SLC35F3: variants seen among roughly 807,000 people sequenced by gnomAD.
SLC35F3 encodes the protein solute carrier family 35 member F3, also known as putative thiamine transporter SLC35F3.
A neutral mutation model predicts 49.9 loss-of-function variants in SLC35F3; 25 were observed. That is an observed-to-expected ratio of 0.50 (90% CI 0.37 to 0.70). SLC35F3 has a LOEUF of 0.70. SLC35F3 is among the 30% of genes least tolerant of loss of function. SLC35F3 has a pLI of 0.00. For missense variants in SLC35F3, 525 were observed against 639.8 expected, an observed-to-expected ratio of 0.82 and a Z score of 1.94; for synonymous variants, 275 against 265.4, an observed-to-expected ratio of 1.04 and a Z score of -0.35.
At chr1:234,155,164 G>T (rs1033141400) in intron 2 of SLC35F3, among the ~76,000 whole-genome samples, 1 of 151,916 alleles carries the variant, frequency 6.6e-6, no homozygotes, top group Non-Finnish European at 1.5e-5. Context: ...ATCCGTAGTT[G>T]GTTGAATCTG....
intron 7 of SLC35F3, 129 bp from the exon 8 acceptor site, chr1:234,322,879 A>G (rs1388381971): frequency 4.1e-6 from 3 of 740,398 alleles, no homozygotes; most frequent in South Asian, 1.8e-5. Context: ...CATACTGAGG[A>G]GAATCCTGTG....
chr1:234,172,362 G>A (rs1666411646), intron 2 of SLC35F3, among the ~76,000 whole-genome samples: 1 of 152,158 alleles, frequency 6.6e-6, no homozygotes, highest in Non-Finnish European at 1.5e-5. Flanking sequence ...AAGTAGCTGG[G>A]ACTACAGGTG....
chr1:234,127,421 C>T (rs959609629), intron 2 of SLC35F3, among the ~76,000 whole-genome samples: 2 of 152,174 alleles, frequency 1.3e-5, no homozygotes, highest in African/African-American at 4.8e-5. Context: ...TTGGGGGCAT[C>T]AAGTTCAATG....
At position 234,214,813 on chromosome 1, in the gene SLC35F3, A is replaced by C; in HGVS notation, c.284-16604A>C. On this transcript the variant is annotated intron_variant, in intron 2 of 7. Coordinates refer to ENST00000366618, the MANE Select transcript of SLC35F3 (RefSeq NM_173508.4). The surrounding 1 kb of genome is among the most constrained non-coding windows in gnomAD (Gnocchi z 8.0). ...GCGGCGAGTGAGCACCCGGCTCCCC[A>C]ACCCTCTCCTTCCTGGGCAGCACCC... 2.1e-6 allele frequency: 1 copy of C among 475,300 alleles called. No homozygotes were observed. Among genetic ancestry groups the C allele is most frequent in the Non-Finnish European group, 3.6e-6 (1 of 276,874 alleles). 29.4% of individuals were successfully genotyped at this position (475,300 alleles called of 1,614,324 possible).
chr1:234,178,726 C>T (rs1002566258), intron 2 of SLC35F3, among the ~76,000 whole-genome samples: 3 of 151,400 alleles, frequency 2.0e-5, no homozygotes, highest in African/African-American at 7.3e-5. Flanking sequence ...CTGTCAGCAT[C>T]CCCCATTGGT....
intron 2 of SLC35F3, among the ~76,000 whole-genome samples, chr1:234,001,978 G>A (rs192722332): frequency 6.6e-6 from 1 of 152,308 alleles, no homozygotes; most frequent in Non-Finnish European, 1.5e-5. Flanking sequence ...AAGTGTGTTT[G>A]CTCCAATAGC....
At chr1:233,999,842 A>G (rs1016310786) in intron 2 of SLC35F3, among the ~76,000 whole-genome samples, 5 of 152,194 alleles carry the variant, frequency 3.3e-5, no homozygotes, top group African/African-American at 9.7e-5. Context: ...ACCTCTCTGC[A>G]TCCCTCACTG....
At chr1:234,054,427 G>A (rs532643448) in intron 2 of SLC35F3, among the ~76,000 whole-genome samples, 16 of 152,076 alleles carry the variant, frequency 1.1e-4, no homozygotes, top group African/African-American at 3.4e-4. Flanking sequence ...CCACTTGATC[G>A]AATCGGCTAC....
intron 2 of SLC35F3, among the ~76,000 whole-genome samples, chr1:233,967,636 A>C (rs893669953): frequency 1.3e-5 from 2 of 152,242 alleles, no homozygotes; most frequent in African/African-American, 4.8e-5. Flanking sequence ...GTAAGAAGAA[A>C]TATTCCTCTA....
At chr1:234,268,530 C>T (rs1668045108) in intron 3 of SLC35F3, 1 of 152,162 alleles carries the variant, frequency 6.6e-6, no homozygotes. Flanking sequence ...CTAACAATTC[C>T]ATGCTAGGCT....
intron 2 of SLC35F3, among the ~76,000 whole-genome samples, chr1:234,168,938 A>G (rs1044366954): frequency 2.0e-5 from 3 of 152,268 alleles, no homozygotes; most frequent in Middle Eastern, 3.4e-3. Flanking sequence ...TTACATGGTT[A>G]TGGAGGCCGA....
Position 233,904,923 on chromosome 1 carries a change from G to A in SLC35F3, c.-155G>A, listed in dbSNP as rs1571972515. 1 of 722,956 alleles carries A rather than the reference G, an allele frequency of 1.4e-6. No individual in the cohort carries two copies. The highest frequency in any genetic ancestry group is 2.1e-6 in the Non-Finnish European group (1 of 476,290). 44.8% of individuals were successfully genotyped at this position (722,956 alleles called of 1,614,324 possible). A position where few individuals can be genotyped will look rare whatever the true frequency, so the allele number is the denominator to read the frequency against. ...GGAGGCGCTCGGGTACAGACCGCGC[G>A]GGCGCGCACAAAGCGGCCCGGGGCG... On this transcript the variant is annotated 5_prime_UTR_variant, in exon 1 of 8. Transcript: ENST00000366618.
At chr1:234,159,153 G>A (rs1666192871) in intron 2 of SLC35F3, among the ~76,000 whole-genome samples, 1 of 152,116 alleles carries the variant, frequency 6.6e-6, no homozygotes, top group African/African-American at 2.4e-5. Context: ...TGGAAGATGT[G>A]CAACATGTTT....
chr1:234,154,781 T>G (rs1002147673), intron 2 of SLC35F3, among the ~76,000 whole-genome samples: 3 of 152,238 alleles, frequency 2.0e-5, no homozygotes. Context: ...CTAAAGGTTT[T>G]ACTCCAGCCT....
At chr1:234,208,779 GTCACTC>G (rs1419097375) in intron 2 of SLC35F3, among the ~76,000 whole-genome samples, 1 of 152,104 alleles carries the variant, frequency 6.6e-6, no homozygotes, top group Non-Finnish European at 1.5e-5. Context: ...ACAAAACCCA[GTCACTC>G]TTCATAAGTC....
At chr1:234,021,846 A>G (rs894989034) in intron 2 of SLC35F3, among the ~76,000 whole-genome samples, 4 of 152,164 alleles carry the variant, frequency 2.6e-5, no homozygotes, top group African/African-American at 9.7e-5. Context: ...TTATCTACCA[A>G]AAATATTTTC....
intron 2 of SLC35F3, among the ~76,000 whole-genome samples, chr1:234,054,135 C>A (rs1361522126): frequency 6.6e-6 from 1 of 152,054 alleles, no homozygotes; most frequent in Non-Finnish European, 1.5e-5. Flanking sequence ...TTGCTCCTCT[C>A]GAGGAGTATC....
At chr1:234,322,719 C>A (rs968820677) in intron 7 of SLC35F3, among the ~76,000 whole-genome samples, 1 of 151,662 alleles carries the variant, frequency 6.6e-6, no homozygotes, top group Non-Finnish European at 1.5e-5. Context: ...AACTGCCCTT[C>A]ATTCACTTGT....
intron 2 of SLC35F3, among the ~76,000 whole-genome samples, chr1:234,024,176 A>T (rs992944173): frequency 3.9e-5 from 6 of 152,100 alleles, no homozygotes; most frequent in Non-Finnish European, 7.4e-5. Context: ...TATCTTTTCA[A>T]TTTTTCTATA....
Sources: allele counts gnomAD v4.1 joint callset (sites outside exome capture counted in the v4.1 genomes callset), GRCh38; gene constraint gnomAD v4.1.1; non-coding constraint Gnocchi (gnomAD v3.1); transcripts MANE v1.5; gene names NCBI Gene and HGNC (gene_info 2026-07-23, HGNC 2026-07-21).